The following KMT2C variants were observed in gnomAD, a reference collection of about 807,000 sequenced individuals.
KMT2C encodes the protein histone-lysine N-methyltransferase 2C.
KMT2C carries 88 observed loss-of-function variants against 507.9 expected under a neutral mutation model. The ratio of observed to expected loss-of-function variants is 0.17; its 90% confidence interval spans 0.15 to 0.21. The LOEUF (loss-of-function observed/expected upper bound fraction) is 0.21. Among genes scored for constraint, KMT2C ranks in the 10% least tolerant of loss-of-function variants. The pLI is 1.00. For missense variants in KMT2C, 4,954 were observed against 5,957.8 expected (o/e 0.83, Z 5.55); for synonymous variants, 2,049 against 2,080.8 (o/e 0.98, Z 0.42).
At chr7:152,395,452 G>A (rs572917901) in intron 1 of KMT2C, among the ~76,000 whole-genome samples, 1 of 152,088 alleles carries the variant, frequency 6.6e-6, no homozygotes, top group Non-Finnish European at 1.5e-5. Context: ...GCCTCCCAAA[G>A]TACTAGAATT....
At chr7:152,227,881 G>C (rs1178027242) in intron 18 of KMT2C, among the ~76,000 whole-genome samples, 1 of 152,172 alleles carries the variant, frequency 6.6e-6, no homozygotes, top group African/African-American at 2.4e-5. Flanking sequence ...CAACCAGTCA[G>C]AGTACAAAGA....
At chr7:152,335,346 C>G (rs887786630) in intron 2 of KMT2C, among the ~76,000 whole-genome samples, 1 of 152,168 alleles carries the variant, frequency 6.6e-6, no homozygotes, top group African/African-American at 2.4e-5. Flanking sequence ...GGGATATACC[C>G]ATTTTATACC....
intron 1 of KMT2C, among the ~76,000 whole-genome samples, chr7:152,369,549 G>A (rs2097276137): frequency 6.6e-6 from 1 of 152,196 alleles, no homozygotes. Context: ...ATGTAGCAGT[G>A]TTGAGAGGTG....
At chr7:152,216,095 C>A (rs2094576391) in intron 23 of KMT2C, among the ~76,000 whole-genome samples, 1 of 152,132 alleles carries the variant, frequency 6.6e-6, no homozygotes. Context: ...AGCCTCAGTG[C>A]AGTCCTATTC....
rs753447950 is a variant in KMT2C at position 152,144,051 on chromosome 7, T to G, written c.14343+662A>C. ...TTTAATCTGGCAGTACTGAGGCCAA[T>G]GTACACAAACGGTAACATCACTCAG... On this transcript the variant is annotated intron_variant, in intron 55 of 58. Coordinates refer to ENST00000262189, the MANE Select transcript of KMT2C (RefSeq NM_170606.3). The surrounding 1 kb of genome is among the most constrained non-coding windows in gnomAD (Gnocchi z 4.4). Among the ~76,000 whole-genome samples the G allele has an allele frequency of 1.3e-5, 2 of 152,210 alleles. No individual in the cohort carries two copies. Among genetic ancestry groups the G allele is most frequent in the Non-Finnish European group, 2.9e-5 (2 of 68,042 alleles).
At chr7:152,267,916 C>A (rs2095884930) in intron 7 of KMT2C, among the ~76,000 whole-genome samples, 1 of 152,116 alleles carries the variant, frequency 6.6e-6, no homozygotes, top group Non-Finnish European at 1.5e-5. Context: ...CTATTCATGT[C>A]TGTGTGCTTT....
At chr7:152,353,899 T>C (rs914974372) in intron 2 of KMT2C, among the ~76,000 whole-genome samples, 1 of 152,206 alleles carries the variant, frequency 6.6e-6, no homozygotes, top group African/African-American at 2.4e-5. Context: ...TCTTGAGACA[T>C]ACATATGTTA....
At chr7:152,218,731 C>A (rs984331819) in intron 23 of KMT2C, among the ~76,000 whole-genome samples, 13 of 152,076 alleles carry the variant, frequency 8.5e-5, no homozygotes, top group African/African-American at 3.1e-4. Context: ...CTTGTCCTCA[C>A]ATCTCTAATC....
rs142378413 is a variant in KMT2C, at chr7:152,364,480, G to A, written c.162-5805C>T. 9.4e-3 allele frequency among the ~76,000 whole-genome samples: 1,432 copies of A among 151,966 alleles called. 26 individuals carry two copies. The highest frequency in any genetic ancestry group is 0.033 in the African/African-American group (1,377 of 41,412). ...AAATTAGCCGGGCGCGTGGTGGCAG[G>A]TGCCTGTAGTCCTAGCTATTTGGGA... On this transcript the variant is annotated intron_variant, in intron 1 of 58. Coordinates refer to ENST00000262189, the MANE Select transcript of KMT2C (RefSeq NM_170606.3).
chr7:152,362,194 G>A (rs1421031135), intron 1 of KMT2C, among the ~76,000 whole-genome samples: 1 of 152,126 alleles, frequency 6.6e-6, no homozygotes, highest in East Asian at 1.9e-4. Context: ...ATTTTGTAAG[G>A]AGCCACTTTA....
At chr7:152,246,580 T>A (rs2095477795) in intron 14 of KMT2C, among the ~76,000 whole-genome samples, 1 of 152,084 alleles carries the variant, frequency 6.6e-6, no homozygotes, top group African/African-American at 2.4e-5. Context: ...GCAGTATCTT[T>A]AAAGAATGTA....
rs2093939252 is a variant in KMT2C, at chr7:152,195,632, C to G, written c.4378+275G>C. On this transcript the variant is annotated intron_variant, in intron 28 of 58. Transcript: ENST00000262189. ...CAGGAGCAGGAAGTGAGGGAAAATA[C>G]AAACAAAAGAAGAAAAAAGATACAG... is the stretch of plus-strand genomic sequence containing the variant. 3 of 755,302 alleles carry G rather than the reference C, an allele frequency of 4.0e-6. No individual in the cohort carries two copies. In the Admixed American group the frequency reaches 1.9e-4, roughly 47 times the overall value. The allele number at this position is 755,302 out of a possible 1,614,324, so 46.8% of individuals were successfully genotyped here.
chr7:152,428,045 CA>C lies in KMT2C; in HGVS notation c.161+7580del, dbSNP rs548318418. 2.9e-4 allele frequency among the ~76,000 whole-genome samples: 44 copies of C among 152,272 alleles called. No homozygotes were observed. The East Asian group carries it at 7.5e-3, about 26-fold the overall frequency. The stretch of plus-strand genomic sequence containing the variant: ...ACCACAGTGTTTTTTTAATAATAGG[CA>C]TCATTAAATCACCAAGTATTTGAGT... On this transcript the variant is annotated intron_variant, in intron 1 of 58. Transcript: ENST00000262189.
Position 152,154,159 on chromosome 7 carries a change from A to AG in KMT2C, c.12140-14dup, listed in dbSNP as rs774713297. ...CTTGATTCTGAACCTTTAAAAAGAG[A>AG]GAAAAAAAAGAGGAAAATAGTGTTA... On this transcript the variant is annotated splice_polypyrimidine_tract_variant and intron_variant, in intron 47 of 58. Coordinates refer to ENST00000262189, the MANE Select transcript of KMT2C (RefSeq NM_170606.3). 3.1e-6 allele frequency: 5 copies of AG among 1,611,984 alleles called. No homozygotes were observed. The highest frequency in any genetic ancestry group is 1.3e-5 in the African/African-American group (1 of 74,668).
At chr7:152,347,349 A>C (rs1195414703) in intron 2 of KMT2C, among the ~76,000 whole-genome samples, 2 of 152,094 alleles carry the variant, frequency 1.3e-5, no homozygotes, top group Non-Finnish European at 2.9e-5. Context: ...CATTAGTGGC[A>C]CTTCATATGG....
intron 55 of KMT2C, among the ~76,000 whole-genome samples, chr7:152,142,818 C>T (rs760991146): frequency 3.9e-5 from 6 of 152,068 alleles, no homozygotes; most frequent in South Asian, 2.1e-4. Context: ...AAAAGGAAGA[C>T]GGAGAAAAAT....
intron 9 of KMT2C, among the ~76,000 whole-genome samples, chr7:152,255,574 T>C (rs2129168783): frequency 6.6e-6 from 1 of 152,174 alleles, no homozygotes; most frequent in Non-Finnish European, 1.5e-5. Context: ...CAAGCACAGA[T>C]AAGAAACCTG....
intron 6 of KMT2C, among the ~76,000 whole-genome samples, chr7:152,301,484 G>C (rs769006808): frequency 6.6e-6 from 1 of 151,898 alleles, no homozygotes; most frequent in Non-Finnish European, 1.5e-5. Flanking sequence ...ATTCCAGCCC[G>C]CTGACAGTGT....
chr7:152,348,739 G>C (rs1369183057), intron 2 of KMT2C, among the ~76,000 whole-genome samples: 1 of 151,802 alleles, frequency 6.6e-6, no homozygotes, highest in Admixed American at 6.6e-5. Flanking sequence ...TCAGGGAAAT[G>C]AAAATTAAAA....
Sources: allele counts gnomAD v4.1 joint callset (sites outside exome capture counted in the v4.1 genomes callset), GRCh38; gene constraint gnomAD v4.1.1; non-coding constraint Gnocchi (gnomAD v3.1); transcripts MANE v1.5; gene names NCBI Gene and HGNC (gene_info 2026-07-23, HGNC 2026-07-21).